The following PTPRU variants were observed in gnomAD, a reference collection of about 807,000 sequenced individuals.
The protein encoded by PTPRU is protein tyrosine phosphatase receptor type U, also known as receptor-type tyrosine-protein phosphatase U.
Under a neutral mutation model 166.3 loss-of-function variants are expected in PTPRU, and 69 were observed. The ratio of observed to expected loss-of-function variants is 0.41; its 90% CI spans 0.34 to 0.51. The LOEUF (loss-of-function observed/expected upper bound fraction) is 0.51. Ranked by LOEUF, PTPRU falls within the 20% of genes least tolerant of loss-of-function variation. The probability of loss-of-function intolerance (pLI) is 0.09; values close to 1 mark genes in which losing one functional copy is unlikely to be tolerated. For missense variants in PTPRU, 1,657 were observed against 2,013.7 expected (o/e 0.82, Z 3.39); for synonymous variants, 793 against 814.0 (o/e 0.97, Z 0.44).
intron 2 of PTPRU, among the ~76,000 whole-genome samples, chr1:29,256,537 G>A (rs909845238): frequency 2.0e-5 from 3 of 152,230 alleles, no homozygotes; most frequent in Admixed American, 2.0e-4. Context: ...CACTAGGAGA[G>A]AAGACCTTCA....
At chr1:29,240,412 T>C (rs1161403070) in intron 1 of PTPRU, among the ~76,000 whole-genome samples, 2 of 152,112 alleles carry the variant, frequency 1.3e-5, no homozygotes, top group Non-Finnish European at 2.9e-5. Context: ...ATATATGGCC[T>C]GAAAGAATAA....
Position 29,238,727 on chromosome 1 carries a change from C to G in PTPRU, c.73+2010C>G, listed in dbSNP as rs1280203280. On this transcript the variant is annotated intron_variant, in intron 1 of 29. Coordinates refer to ENST00000373779, the MANE Select transcript of PTPRU (RefSeq NM_133178.4). The surrounding 1 kb of genome is among the most constrained non-coding windows in gnomAD (Gnocchi z 6.1). ...CCCATGTCCTGCGGCAACTTTGCCT[C>G]CCTCTCCCACCGTGAAATCAAACCC... Among the ~76,000 whole-genome samples the G allele has an allele frequency of 6.6e-6, 1 of 152,148 alleles. No homozygotes were observed. Among genetic ancestry groups the G allele is most frequent in the African/African-American group, 2.4e-5 (1 of 41,438 alleles).
intron 15 of PTPRU, among the ~76,000 whole-genome samples, chr1:29,302,547 T>G (rs994194929): frequency 1.3e-5 from 2 of 152,108 alleles, no homozygotes; most frequent in African/African-American, 4.8e-5. Flanking sequence ...TCATTTATTA[T>G]GATTTTTTTT....
chr1:29,259,454 G>T lies in PTPRU; in HGVS notation c.565G>T (p.Ala189Ser), dbSNP rs928077971. 2.5e-6 allele frequency: 4 copies of T among 1,611,450 alleles called. No homozygotes were observed. The South Asian group carries it at 3.3e-5, about 13-fold the overall frequency. The stretch of plus-strand genomic sequence containing the variant: ...ATGCAGCTCTAACCCCGCAGCAAAG[G>T]CCCCACACTTCTCCCGCCTGGGCGA... The part of the protein sequence containing the change: ...ILLLSYPCAK[A>S]PHFSRLGDVE... The change falls in exon 5 of 30, where the codon GCC (alanine) becomes TCC (serine). Residue 189 changes from alanine (A) to serine (S), a missense_variant. Around this residue, in one of 3 missense-constraint regions of PTPRU, gnomAD observed 453 missense variants for 496.9 expected, o/e 0.91. Transcript: ENST00000373779.
In PTPRU at chr1:29,315,265, G is replaced by A; in HGVS notation, c.3228-107G>A. The A allele has an allele frequency of 1.4e-6, 2 of 1,400,736 alleles. No homozygotes were observed. The highest frequency in any genetic ancestry group is 2.0e-6 in the Non-Finnish European group (2 of 1,016,088). The allele number at this position is 1,400,736 out of a possible 1,614,324, so 86.8% of individuals were successfully genotyped here. A position where few individuals can be genotyped will look rare whatever the true frequency, so the allele number is the denominator to read the frequency against. On this transcript the variant is annotated intron_variant, in intron 22 of 29. Transcript: ENST00000373779. The surrounding 1 kb of genome is among the most constrained non-coding windows in gnomAD (Gnocchi z 4.5). ...GAGGGGCAGTCATCTCTGTGTCCGT[G>A]TCCCCTGTATGGTGTAGACATGGCC...
intron 1 of PTPRU, among the ~76,000 whole-genome samples, chr1:29,249,597 G>A (rs764144663): frequency 3.2e-4 from 49 of 152,332 alleles, no homozygotes; most frequent in Non-Finnish European, 2.2e-4. Context: ...AACACTGAGC[G>A]CGGGGCTCAG....
At chr1:29,314,581 TA>T (rs1157472261) in intron 22 of PTPRU, among the ~76,000 whole-genome samples, 2 of 100,864 alleles carry the variant, frequency 2.0e-5, no homozygotes, top group Admixed American at 9.0e-5. Flanking sequence ...TTGAATTAAT[TA>T]ATTTTTTTTT....
rs145606749 is a variant in PTPRU at position 29,324,737 on chromosome 1, T to C, written c.4113-454T>C. ...ATATGTCTTCTGAGATGTCTTAGCCTCTGATCCTTCTTAACCTGGTCCTGC... is the reference window on the plus strand; with the variant it reads ...ATATGTCTTCTGAGATGTCTTAGCCCCTGATCCTTCTTAACCTGGTCCTGC... On this transcript the variant is annotated intron_variant, in intron 28 of 29. Coordinates refer to ENST00000373779, the MANE Select transcript of PTPRU (RefSeq NM_133178.4). Among the ~76,000 whole-genome samples, 15 of 152,330 alleles carry C rather than the reference T, an allele frequency of 9.8e-5. No homozygotes were observed. In the East Asian group the frequency reaches 2.9e-3, roughly 29 times the overall value.
chr1:29,281,962 T>A (rs1686099366), intron 11 of PTPRU, among the ~76,000 whole-genome samples: 1 of 152,186 alleles, frequency 6.6e-6, no homozygotes, highest in South Asian at 2.1e-4. Flanking sequence ...ACCTATTTAG[T>A]AAAGAGATAA....
At position 29,323,638 on chromosome 1, in the gene PTPRU, A is replaced by C. The variant is rs1688266925; in HGVS notation, c.3962A>C (p.Glu1321Ala). The change falls in exon 28 of 30, where the codon GAG becomes GCG. Residue 1321 changes from glutamate (E) to alanine (A), a missense_variant. Transcript: ENST00000373779. ...GGCTGCCCCTGTCCCCAGTTGCAGG[A>C]GGGGCACCTGCTGGTGCGGCACTTC... The part of the protein sequence containing the change: ...FRVQNISRLQ[E>A]GHLLVRHFQF... 6.2e-7 allele frequency: 1 copy of C among 1,613,778 alleles called. No individual in the cohort carries two copies. The highest frequency in any genetic ancestry group is 1.3e-5 in the African/African-American group (1 of 74,856).
rs1684975568 is a variant in PTPRU, at chr1:29,260,020, A to C, written c.826A>C (p.Asn276His). The C allele has an allele frequency of 6.8e-7, 1 of 1,475,216 alleles. No homozygotes were observed. Among genetic ancestry groups the C allele is most frequent in the South Asian group, 1.4e-5 (1 of 73,940 alleles). The allele number at this position is 1,475,216 out of a possible 1,614,324, so 91.4% of individuals were successfully genotyped here. ...GGCCCCGCGCGGCGCGGGCGTCTCT[A>C]ACTTCGCGGAGCTCATCGTCAAGGG... ...SQAPRGAGVS[N>H]FAELIVKEPP... The change falls in exon 6 of 30, where the codon AAC becomes CAC. Residue 276 changes from asparagine (N) to histidine (H), a missense_variant. This residue lies in a region of PTPRU where 453 missense variants were observed against 496.9 expected (regional missense o/e 0.91). Transcript: ENST00000373779. This position sits in a 1 kb window ranked among gnomAD's most constrained non-coding sequence, Gnocchi z 8.3.
At position 29,318,308 on chromosome 1, in the gene PTPRU, C is replaced by T. The variant is rs1687993897; in HGVS notation, c.3687+387C>T. The stretch of plus-strand genomic sequence containing the variant: ...TGGGGAGAATGAGCTGGAGTCTGCT[C>T]CAGGACCAGGCCTGGGACAGTGATC... On this transcript the variant is annotated intron_variant, in intron 25 of 29. Coordinates refer to ENST00000373779, the MANE Select transcript of PTPRU (RefSeq NM_133178.4). 2.6e-5 allele frequency among the ~76,000 whole-genome samples: 4 copies of T among 152,306 alleles called. No individual in the cohort carries two copies. In the South Asian group the frequency reaches 8.3e-4, roughly 32 times the overall value.
At chr1:29,258,300 T>G (rs1007903692) in intron 2 of PTPRU, among the ~76,000 whole-genome samples, 2 of 152,172 alleles carry the variant, frequency 1.3e-5, no homozygotes, top group Non-Finnish European at 2.9e-5. Context: ...TTTGTGTGTT[T>G]TTTACTGCTC....
At chr1:29,275,836 G>T (rs1557438553) in intron 8 of PTPRU, 80 bp downstream of exon 8, 1 of 1,470,370 alleles carries the variant, frequency 6.8e-7, no homozygotes, top group Non-Finnish European at 9.2e-7. Flanking sequence ...ATTTACTGAG[G>T]GTATTTTTTT....
chr1:29,267,482 A>G (rs1053655791), intron 7 of PTPRU, among the ~76,000 whole-genome samples: 2 of 152,144 alleles, frequency 1.3e-5, no homozygotes, highest in African/African-American at 4.8e-5. Flanking sequence ...ATTTGAGCAG[A>G]GATCTGAAGG....
rs144184092 is a variant in PTPRU at position 29,293,535 on chromosome 1, C to T, written c.2476+1509C>T. On this transcript the variant is annotated intron_variant, in intron 15 of 29. Coordinates refer to ENST00000373779, the MANE Select transcript of PTPRU (RefSeq NM_133178.4). ...TGTCACCCAGGCTGGAGTGCAGTGG[C>T]GCAATCTCCGCTCACTGCAAGCTCC... 2.0e-3 allele frequency among the ~76,000 whole-genome samples: 293 copies of T among 147,352 alleles called. 1 individual carries two copies. Among genetic ancestry groups the T allele is most frequent in the Middle Eastern group, 7.2e-3 (2 of 278 alleles).
chr1:29,260,134 G>T lies in PTPRU; in HGVS notation c.850+90G>T. ...GCGGGCTCTGCCCGGGGGCGTGGCC[G>T]TGGGGGGTGGGGCCGGCAGGGTGTC... is the stretch of plus-strand genomic sequence containing the variant. On this transcript the variant is annotated intron_variant, in intron 6 of 29. Transcript: ENST00000373779. The surrounding 1 kb of genome is among the most constrained non-coding windows in gnomAD (Gnocchi z 8.3). The T allele has an allele frequency of 3.3e-6, 4 of 1,210,904 alleles. No homozygotes were observed. The highest frequency in any genetic ancestry group is 2.1e-5 in the South Asian group (1 of 47,508). The allele number at this position is 1,210,904 out of a possible 1,614,324, so 75.0% of individuals were successfully genotyped here. A position where few individuals can be genotyped will look rare whatever the true frequency, so the allele number is the denominator to read the frequency against.
intron 15 of PTPRU, among the ~76,000 whole-genome samples, chr1:29,298,601 C>T (rs531629984): frequency 3.9e-5 from 6 of 152,220 alleles, no homozygotes; most frequent in Non-Finnish European, 7.3e-5. Flanking sequence ...CCCTCAGATC[C>T]TCCTGGGCCT....
chr1:29,269,066 G>A (rs1397529961), intron 7 of PTPRU, among the ~76,000 whole-genome samples: 2 of 151,316 alleles, frequency 1.3e-5, no homozygotes, highest in Non-Finnish European at 2.9e-5. Flanking sequence ...TAGAGACAGG[G>A]TCTCACTCTG....
Sources: allele counts gnomAD v4.1 joint callset (sites outside exome capture counted in the v4.1 genomes callset), GRCh38; gene constraint gnomAD v4.1.1; regional missense constraint gnomAD v4.1.1; non-coding constraint Gnocchi (gnomAD v3.1); transcripts MANE v1.5; gene names NCBI Gene and HGNC (gene_info 2026-07-23, HGNC 2026-07-21).